The following FBN1 variants were observed in gnomAD, a reference collection of about 807,000 sequenced individuals.
The protein encoded by FBN1 is fibrillin-1.
A neutral mutation model predicts 365.1 loss-of-function variants in FBN1; 29 were observed. The ratio of observed to expected loss-of-function variants is 0.08; its 90% CI spans 0.06 to 0.11. The LOEUF (loss-of-function observed/expected upper bound fraction) is 0.11, where lower values mean the gene tolerates loss of function less well. Ranked by LOEUF, FBN1 falls within the 10% of genes least tolerant of loss-of-function variation. FBN1 has a pLI of 1.00. For synonymous variants in FBN1, 1,210 were observed against 1,270.5 expected, an observed-to-expected ratio of 0.95 and a Z score of 1.01; for missense variants, 2,476 against 3,703.2, an observed-to-expected ratio of 0.67 and a Z score of 8.60.
chr15:48,421,763 A>C (rs2042944267), intron 61 of FBN1, 77 bp from the exon 62 acceptor site: 1 of 1,555,132 alleles, frequency 6.4e-7, no homozygotes, highest in African/African-American at 1.4e-5. Context: ...GAAAATTAGA[A>C]GGATAACTCG....
At chr15:48,441,634 G>C in intron 50 of FBN1, 87 bp downstream of exon 50, 1 of 1,520,730 alleles carries the variant, frequency 6.6e-7, no homozygotes, top group South Asian at 1.1e-5. Flanking sequence ...TGTTCACAAA[G>C]AAACAGAGCT....
intron 14 of FBN1, among the ~76,000 whole-genome samples, chr15:48,509,492 G>A (rs952610897): frequency 1.4e-5 from 2 of 146,172 alleles, no homozygotes; most frequent in Admixed American, 1.4e-4. Context: ...TTATATTTTA[G>A]ATATATATTA....
At chr15:48,592,538 C>T (rs917602262) in intron 6 of FBN1, among the ~76,000 whole-genome samples, 26 of 152,222 alleles carry the variant, frequency 1.7e-4, no homozygotes, top group African/African-American at 6.3e-4. Flanking sequence ...TGCTAACATA[C>T]TGTACCACTG....
At chr15:48,596,785 G>A (rs1455536657) in intron 5 of FBN1, among the ~76,000 whole-genome samples, 1 of 152,202 alleles carries the variant, frequency 6.6e-6, no homozygotes, top group Non-Finnish European at 1.5e-5. Context: ...TTACAGAAAT[G>A]TAGCAAGTTC....
intron 6 of FBN1, among the ~76,000 whole-genome samples, chr15:48,574,577 AAC>A (rs1491009392): frequency 1.3e-5 from 2 of 152,158 alleles, no homozygotes; most frequent in Admixed American, 6.6e-5. Context: ...AAAAAAAAAA[AAC>A]ATATTAAGCA....
intron 9 of FBN1, among the ~76,000 whole-genome samples, chr15:48,525,090 A>AT (rs35424714): frequency 2.3e-3 from 330 of 143,730 alleles, no homozygotes; most frequent in Middle Eastern, 0.011. Context: ...TGTCAAATCT[A>AT]TTTTTTTTTT....
At chr15:48,430,896 C>G in intron 55 of FBN1, 94 bp from the exon 56 acceptor site, 1 of 1,165,906 alleles carries the variant, frequency 8.6e-7, no homozygotes, top group Non-Finnish European at 1.3e-6. Flanking sequence ...AGTAAGTAAC[C>G]AATTTTCATC....
At chr15:48,491,783 C>T (rs1258700242) in intron 24 of FBN1, among the ~76,000 whole-genome samples, 2 of 152,196 alleles carry the variant, frequency 1.3e-5, no homozygotes, top group African/African-American at 2.4e-5. Context: ...GGGATATACT[C>T]TAGGCAGGCA....
rs1210220757 is a variant in FBN1 at position 48,505,161 on chromosome 15, A to C, written c.1838-14T>G. Reference sequence around the variant, plus strand: ...ACTCGTTAATGTCTGTGGCAGAGAAAGGCACTTATTAAAAATGAAGTGACA... The same window carrying C: ...ACTCGTTAATGTCTGTGGCAGAGAACGGCACTTATTAAAAATGAAGTGACA... On this transcript the variant is annotated splice_polypyrimidine_tract_variant and intron_variant, in intron 15 of 65. Coordinates refer to ENST00000316623, the MANE Select transcript of FBN1 (RefSeq NM_000138.5). The C allele has an allele frequency of 6.2e-7, 1 of 1,614,016 alleles. No individual in the cohort carries two copies. The highest frequency in any genetic ancestry group is 2.2e-5 in the East Asian group (1 of 44,896).
intron 3 of FBN1, among the ~76,000 whole-genome samples, 197 bp from the exon 4 acceptor site, chr15:48,611,023 C>A (rs1434332944): frequency 6.6e-6 from 1 of 152,022 alleles, no homozygotes; most frequent in Non-Finnish European, 1.5e-5. Flanking sequence ...GCTTTAAAAT[C>A]CACAACTCCT....
At chr15:48,456,526 A>T in intron 44 of FBN1, 111 bp downstream of exon 44, 1 of 1,096,154 alleles carries the variant, frequency 9.1e-7, no homozygotes, top group Non-Finnish European at 1.4e-6. Context: ...TACTATTTCT[A>T]GAGCTTAATG....
intron 17 of FBN1, among the ~76,000 whole-genome samples, chr15:48,499,337 A>G (rs574806619): frequency 4.1e-4 from 62 of 152,350 alleles, no homozygotes; most frequent in African/African-American, 1.5e-3. Flanking sequence ...GGAACACTTT[A>G]CACTTACGGT....
chr15:48,477,460 G>A (rs1435955984), intron 32 of FBN1, among the ~76,000 whole-genome samples: 3 of 152,176 alleles, frequency 2.0e-5, no homozygotes, highest in African/African-American at 7.2e-5. Flanking sequence ...GTAACAATTG[G>A]AGAGACTTCA....
At chr15:48,452,724 T>C (rs1242319572) in intron 44 of FBN1, 40 bp from the exon 45 acceptor site, 1 of 1,612,668 alleles carries the variant, frequency 6.2e-7, no homozygotes, top group Non-Finnish European at 8.5e-7. Flanking sequence ...GAGAACAGAA[T>C]CTGGTGTCCA....
In FBN1 at chr15:48,456,712, T is replaced by A. The variant is rs1232797551; in HGVS notation, c.5347A>T (p.Ile1783Phe). The change falls in exon 44 of 66, where the codon ATC becomes TTC. Residue 1783 changes from isoleucine to phenylalanine, a missense_variant. Physicochemically the swap from Ile to Phe is conservative, Grantham distance 21. Around this residue, in one of 5 missense-constraint regions of FBN1, gnomAD observed 1,780 missense variants for 2,840.8 expected, o/e 0.63. Coordinates refer to ENST00000316623, the MANE Select transcript of FBN1 (RefSeq NM_000138.5). ...IPGVCENGVC[I>F]NMVGSFRCEC... ...CATCGGAAGCTGCCAACCATGTTGA[T>A]ACACACTCCATTTTCACAGACCCCT... The A allele has an allele frequency of 1.2e-6, 2 of 1,613,824 alleles. No homozygotes were observed. The highest frequency in any genetic ancestry group is 1.7e-6 in the Non-Finnish European group (2 of 1,179,834).
At chr15:48,550,127 G>A (rs977267805) in intron 6 of FBN1, among the ~76,000 whole-genome samples, 2 of 152,210 alleles carry the variant, frequency 1.3e-5, no homozygotes, top group Admixed American at 6.5e-5. Flanking sequence ...TTTGCTGTTC[G>A]TCTCGAGTTA....
At chr15:48,435,771 T>TATATA (rs1361448544) in intron 53 of FBN1, among the ~76,000 whole-genome samples, 1 of 26,602 alleles carries the variant, frequency 3.8e-5, no homozygotes, top group East Asian at 5.4e-4. Flanking sequence ...TATATGTGTA[T>TATATA]ATGTGTGTGT....
In FBN1 at chr15:48,437,019, A is replaced by G. The variant is rs1398482166; in HGVS notation, c.6438T>C (p.Asp2146=). 1.2e-6 allele frequency: 2 copies of G among 1,613,542 alleles called. No homozygotes were observed. Among genetic ancestry groups the G allele is most frequent in the Non-Finnish European group, 1.7e-6 (2 of 1,179,610 alleles). Residue 2146 remains aspartate (D), a synonymous_variant, in exon 53 of 66, where the codon GAT becomes GAC. Coordinates refer to ENST00000316623, the MANE Select transcript of FBN1 (RefSeq NM_000138.5). The stretch of plus-strand genomic sequence containing the variant: ...AGGGACACTCGCAGCGATAGGAACC[A>G]TCTGTATTGATGCACTGTCCATGTT... ...VCKHGQCINT[D]GSYRCECPFG... is the part of the protein sequence containing the mutation.
At chr15:48,623,781 G>A (rs1252466915) in intron 2 of FBN1, among the ~76,000 whole-genome samples, 1 of 152,146 alleles carries the variant, frequency 6.6e-6, no homozygotes, top group Non-Finnish European at 1.5e-5. Flanking sequence ...GCAGCACAAA[G>A]GTGTTGCATC....
Sources: allele counts gnomAD v4.1 joint callset (sites outside exome capture counted in the v4.1 genomes callset), GRCh38; gene constraint gnomAD v4.1.1; regional missense constraint gnomAD v4.1.1; transcripts MANE v1.5; gene names NCBI Gene and HGNC (gene_info 2026-07-23, HGNC 2026-07-21).